TTC28: variants seen among roughly 807,000 people sequenced by gnomAD.
TTC28 encodes tetratricopeptide repeat protein 28.
Under a neutral mutation model 198.0 loss-of-function variants are expected in TTC28, and 61 were observed. That is an observed-to-expected ratio of 0.31 (90% CI 0.25 to 0.38). The LOEUF (loss-of-function observed/expected upper bound fraction) is 0.38. Among genes scored for constraint, TTC28 ranks in the 10% least tolerant of loss-of-function variants. The probability of loss-of-function intolerance (pLI) is 1.00; values close to 1 mark genes in which losing one functional copy is unlikely to be tolerated. For synonymous variants in TTC28, 1,171 were observed against 1,297.8 expected, an observed-to-expected ratio of 0.90 and a Z score of 2.10; for missense variants, 2,678 against 3,164.0, an observed-to-expected ratio of 0.85 and a Z score of 3.69.
chr22:28,030,285 G>T lies in TTC28; in HGVS notation c.4014C>A (p.Asn1338Lys). Residue 1338 changes from asparagine (N) to lysine (K), a missense_variant, in exon 13 of 23, where the codon AAC becomes AAA. By Grantham distance (94) the Asn-to-Lys change is moderately conservative. Around this residue, in one of 8 missense-constraint regions of TTC28, gnomAD observed 727 missense variants for 861.9 expected, o/e 0.84. Coordinates refer to ENST00000397906, the MANE Select transcript of TTC28 (RefSeq NM_001145418.2). Reference sequence around the variant, plus strand: ...GAAAGCCAGTGGGGTCAGTGACCGAGTTGAGTTTGTTGTTCATCTCTTCAA... The same window carrying T: ...GAAAGCCAGTGGGGTCAGTGACCGATTTGAGTTTGTTGTTCATCTCTTCAA... ...QQFEEMNNKL[N>K]SVTDPTGFLR... 6.4e-7 allele frequency: 1 copy of T among 1,551,784 alleles called. No individual in the cohort carries two copies. Among genetic ancestry groups the T allele is most frequent in the Non-Finnish European group, 8.7e-7 (1 of 1,147,012 alleles).
At chr22:28,650,724 CA>C (rs1245058792) in intron 1 of TTC28, among the ~76,000 whole-genome samples, 1 of 152,202 alleles carries the variant, frequency 6.6e-6, no homozygotes, top group Non-Finnish European at 1.5e-5. Flanking sequence ...CTAAACTTCA[CA>C]GTCACCAGCA....
intron 18 of TTC28, 28 bp from the exon 19 acceptor site, chr22:27,992,691 A>G: frequency 6.5e-7 from 1 of 1,548,598 alleles, no homozygotes; most frequent in Non-Finnish European, 8.7e-7. Context: ...GGTAGAAGTT[A>G]TTCAGAAGGG....
At chr22:28,008,161 G>C (rs900108899) in intron 14 of TTC28, 1 of 152,202 alleles carries the variant, frequency 6.6e-6, no homozygotes, top group Admixed American at 6.5e-5. Flanking sequence ...ATCTGTTCTA[G>C]GAGAGGCCGA....
intron 5 of TTC28, among the ~76,000 whole-genome samples, chr22:28,178,477 A>G (rs1402661754): frequency 6.6e-6 from 1 of 150,696 alleles, no homozygotes; most frequent in Non-Finnish European, 1.5e-5. Flanking sequence ...AGGGAGAGGA[A>G]CGGGGGAGGG....
At chr22:28,433,780 T>G (rs905407457) in intron 2 of TTC28, among the ~76,000 whole-genome samples, 1 of 152,186 alleles carries the variant, frequency 6.6e-6, no homozygotes, top group African/African-American at 2.4e-5. Context: ...TTTTGTATTG[T>G]GTGTGTTTGT....
chr22:28,202,339 C>A (rs1926035909), intron 5 of TTC28, among the ~76,000 whole-genome samples: 1 of 151,952 alleles, frequency 6.6e-6, no homozygotes, highest in South Asian at 2.1e-4. Context: ...GAGTTTGAGA[C>A]CAGCGTGGCC....
At chr22:28,537,330 A>AC (rs2049312720) in intron 2 of TTC28, among the ~76,000 whole-genome samples, 5 of 148,684 alleles carry the variant, frequency 3.4e-5, no homozygotes, top group Non-Finnish European at 6.0e-5. Flanking sequence ...AAATAAAATA[A>AC]AATAAAATAA....
intron 12 of TTC28, among the ~76,000 whole-genome samples, chr22:28,088,709 C>T (rs1941710544): frequency 6.6e-6 from 1 of 152,156 alleles, no homozygotes; most frequent in South Asian, 2.1e-4. Context: ...AGGAAACTAC[C>T]ATCAGAGTGA....
At chr22:28,366,548 C>T (rs563281360) in intron 2 of TTC28, among the ~76,000 whole-genome samples, 10 of 151,998 alleles carry the variant, frequency 6.6e-5, no homozygotes, top group South Asian at 6.2e-4. Context: ...ACAGTGGTGA[C>T]GAGAAAACAA....
chr22:28,139,991 G>A (rs1244807743), intron 6 of TTC28, among the ~76,000 whole-genome samples: 1 of 152,102 alleles, frequency 6.6e-6, no homozygotes, highest in Non-Finnish European at 1.5e-5. Flanking sequence ...TGATGAGGAG[G>A]GTTGTCTTTC....
At position 28,014,204 on chromosome 22, in the gene TTC28, G is replaced by A. The variant is rs774853393; in HGVS notation, c.4218+44C>T. ...ATGTGGGCGCTGACTGGTAAGCGAT[G>A]TGTTCTGATGCGGAGGAGCCTTGTG... On this transcript the variant is annotated intron_variant, in intron 14 of 22. Coordinates refer to ENST00000397906, the MANE Select transcript of TTC28 (RefSeq NM_001145418.2). 32 of 1,522,620 alleles carry A rather than the reference G, an allele frequency of 2.1e-5. No individual in the cohort carries two copies. The South Asian group carries it at 3.8e-4, about 18-fold the overall frequency. The allele number at this position is 1,522,620 out of a possible 1,614,324, so 94.3% of individuals were successfully genotyped here.
At chr22:28,383,168 T>A (rs1444386706) in intron 2 of TTC28, among the ~76,000 whole-genome samples, 2 of 152,234 alleles carry the variant, frequency 1.3e-5, no homozygotes, top group Non-Finnish European at 2.9e-5. Context: ...CACTGGCCAT[T>A]ATTTCTCAGT....
chr22:28,069,943 C>T (rs9625394), intron 12 of TTC28, among the ~76,000 whole-genome samples: 3 of 139,758 alleles, frequency 2.1e-5, no homozygotes, highest in Non-Finnish European at 3.3e-5. Flanking sequence ...CACACACACA[C>T]ACACACACAC....
intron 6 of TTC28, among the ~76,000 whole-genome samples, chr22:28,145,094 C>T (rs1307231641): frequency 2.6e-5 from 4 of 152,140 alleles, no homozygotes; most frequent in Non-Finnish European, 5.9e-5. Context: ...AAATCTCTTG[C>T]CACATGATTA....
intron 2 of TTC28, among the ~76,000 whole-genome samples, chr22:28,320,333 T>C (rs1008525433): frequency 6.6e-6 from 1 of 151,732 alleles, no homozygotes; most frequent in Non-Finnish European, 1.5e-5. Flanking sequence ...GCACAAGATA[T>C]GGAAAATTCA....
chr22:28,079,647 GTCTT>G (rs1478031150), intron 12 of TTC28, among the ~76,000 whole-genome samples: 3 of 152,244 alleles, frequency 2.0e-5, no homozygotes, highest in African/African-American at 7.2e-5. Context: ...TGTAGTATTT[GTCTT>G]TCTTTGTGAT....
intron 2 of TTC28, among the ~76,000 whole-genome samples, chr22:28,520,818 T>C (rs886574657): frequency 6.6e-6 from 1 of 151,982 alleles, no homozygotes; most frequent in Non-Finnish European, 1.5e-5. Context: ...TTTGGGAGGC[T>C]GAGGCGGGCA....
At chr22:28,149,361 C>T (rs1458732265) in intron 6 of TTC28, among the ~76,000 whole-genome samples, 1 of 152,082 alleles carries the variant, frequency 6.6e-6, no homozygotes, top group Non-Finnish European at 1.5e-5. Flanking sequence ...ACCTAAGTGT[C>T]CATCATGGAT....
chr22:28,462,880 C>G (rs916569923), intron 2 of TTC28, among the ~76,000 whole-genome samples: 1 of 152,110 alleles, frequency 6.6e-6, no homozygotes, highest in African/African-American at 2.4e-5. Flanking sequence ...TACTAATATT[C>G]CAGTCTAGAG....
Sources: gnomAD v4.1 joint callset for allele counts (sites outside exome capture counted in the v4.1 genomes callset) on GRCh38, gnomAD v4.1.1 for gene constraint, gnomAD v4.1.1 regional missense constraint, MANE v1.5 for transcripts, NCBI Gene and HGNC (gene_info 2026-07-23, HGNC 2026-07-21) for gene names.